Variants in COL5A1 observed in about 807,000 individuals in gnomAD.
COL5A1 encodes collagen type V alpha 1 chain, also known as collagen alpha-1(V) chain.
A neutral mutation model predicts 263.7 loss-of-function variants in COL5A1; 16 were observed. That is an observed-to-expected ratio of 0.06 (90% CI 0.04 to 0.09). COL5A1 has a LOEUF of 0.09. Ranked by LOEUF, COL5A1 falls within the 10% of genes least tolerant of loss-of-function variation. The pLI, the probability that COL5A1 is intolerant of heterozygous loss-of-function variation, is 1.00. For missense variants in COL5A1, 2,036 were observed against 2,540.5 expected, an observed-to-expected ratio of 0.80 and a Z score of 4.27; for synonymous variants, 1,012 against 1,004.5, an observed-to-expected ratio of 1.01 and a Z score of -0.14.
intron 54 of COL5A1, 28 bp downstream of exon 54, chr9:134,817,859 C>T (rs376433811): frequency 7.6e-6 from 12 of 1,577,624 alleles, no homozygotes; most frequent in African/African-American, 1.3e-5. Context: ...CAGGCTGTGA[C>T]CGCGTAGACC....
At chr9:134,769,855 G>A (rs185417231) in intron 25 of COL5A1, among the ~76,000 whole-genome samples, 97 of 152,220 alleles carry the variant, frequency 6.4e-4, no homozygotes, top group African/African-American at 2.3e-3. Context: ...TGGGTGTGAA[G>A]GGGGCTGCAC....
intron 36 of COL5A1, among the ~76,000 whole-genome samples, chr9:134,797,898 G>A (rs1837970151): frequency 6.6e-6 from 1 of 152,234 alleles, no homozygotes; most frequent in Non-Finnish European, 1.5e-5. Flanking sequence ...TTCCAAGTGA[G>A]GTCACAGGCA....
intron 32 of COL5A1, among the ~76,000 whole-genome samples, chr9:134,790,280 C>T (rs370372467): frequency 6.6e-6 from 1 of 152,182 alleles, no homozygotes; most frequent in African/African-American, 2.4e-5. Context: ...ATCTCCACCC[C>T]TCTCTGTCTC....
At chr9:134,730,141 T>A in intron 6 of COL5A1, 95 bp from the exon 7 acceptor site, 1 of 1,556,278 alleles carries the variant, frequency 6.4e-7, no homozygotes, top group East Asian at 2.2e-5. Flanking sequence ...GCGTTGCCAC[T>A]GAGATGCCTG....
Position 134,700,695 on chromosome 9 carries a change from G to A in COL5A1, c.492-476G>A, listed in dbSNP as rs35435691. On this transcript the variant is annotated intron_variant, in intron 3 of 65. Transcript: ENST00000371817. This position sits in a 1 kb window ranked among gnomAD's most constrained non-coding sequence, Gnocchi z 4.0. ...AGATCCACTCCTTCCACCATTTCCC[G>A]TCCACACCCGGTCTTCTCTGGCTGC... Among the ~76,000 whole-genome samples, 10,633 of 152,182 alleles carry A rather than the reference G, an allele frequency of 0.07. 383 individuals are homozygous for A. The highest frequency in any genetic ancestry group is 0.12 in the South Asian group (589 of 4,816).
intron 1 of COL5A1, among the ~76,000 whole-genome samples, chr9:134,655,007 TGTGTAGAGCTG>T (rs1831901011): frequency 2.3e-5 from 1 of 42,846 alleles, no homozygotes. Flanking sequence ...GGGCTGGGGG[TGTGTAGAGCTG>T]GTGTGTGTAG....
intron 4 of COL5A1, among the ~76,000 whole-genome samples, chr9:134,724,899 G>A (rs73664109): frequency 3.9e-5 from 6 of 152,108 alleles, no homozygotes; most frequent in Middle Eastern, 6.8e-3. Context: ...AACCAGGCTC[G>A]GGTGAACCAG....
chr9:134,763,103 T>C (rs1024769585), intron 19 of COL5A1, among the ~76,000 whole-genome samples: 1 of 152,004 alleles, frequency 6.6e-6, no homozygotes, highest in Non-Finnish European at 1.5e-5. Context: ...TGTCCATGTG[T>C]GTGTAGGCAT....
chr9:134,833,245 T>A (rs540806704), intron 64 of COL5A1, among the ~76,000 whole-genome samples: 9 of 152,316 alleles, frequency 5.9e-5, no homozygotes, highest in Non-Finnish European at 1.2e-4. Context: ...GTCAGGTTTT[T>A]CAGAAACCTT....
chr9:134,691,902 A>AT lies in COL5A1; in HGVS notation c.277+823_277+824insT, dbSNP rs541799967. The AT allele has an allele frequency of 7.4e-4, 112 of 152,082 alleles. 1 individual carries two copies. The highest frequency in any genetic ancestry group is 2.7e-3 in the African/African-American group (112 of 41,444). The allele number at this position is 152,082 out of a possible 1,614,324, so 9.4% of individuals were successfully genotyped here. On this transcript the variant is annotated intron_variant, in intron 2 of 65. Coordinates refer to ENST00000371817, the MANE Select transcript of COL5A1 (RefSeq NM_000093.5). Reference sequence around the variant, plus strand: ...CATCTTTTTGGTGGACCTGGAGGTGACCCCGGCATTGAACCCACGATCAGG... The same window carrying AT: ...CATCTTTTTGGTGGACCTGGAGGTGATCCCCGGCATTGAACCCACGATCAGG...
chr9:134,822,257 A>G, intron 59 of COL5A1, 107 bp downstream of exon 59: 1 of 995,600 alleles, frequency 1.0e-6, no homozygotes, highest in East Asian at 2.4e-5. Flanking sequence ...GTCACACGAG[A>G]AGCTGGAATT....
chr9:134,658,890 A>C (rs891874644), intron 1 of COL5A1, among the ~76,000 whole-genome samples: 1 of 152,232 alleles, frequency 6.6e-6, no homozygotes, highest in African/African-American at 2.4e-5. Flanking sequence ...CACATGAGAC[A>C]TACGAGGGAG....
chr9:134,827,995 A>G (rs958644356), intron 63 of COL5A1, among the ~76,000 whole-genome samples: 9 of 152,170 alleles, frequency 5.9e-5, no homozygotes, highest in African/African-American at 2.2e-4. Context: ...GCACAAGGCC[A>G]GCTCAAGAAG....
chr9:134,715,977 CTGGTGGTGGTGGTGG>C (rs58511351), intron 4 of COL5A1, among the ~76,000 whole-genome samples: 4 of 149,566 alleles, frequency 2.7e-5, no homozygotes, highest in South Asian at 2.1e-4. Flanking sequence ...GATGGTGATG[CTGGTGGTGGTGGTGG>C]TGGTGGTGGT....
chr9:134,687,043 A>G (rs1833102690), intron 1 of COL5A1, among the ~76,000 whole-genome samples: 1 of 152,152 alleles, frequency 6.6e-6, no homozygotes, highest in Non-Finnish European at 1.5e-5. Context: ...GGGTTGCACC[A>G]CCATAGCGAG....
At chr9:134,708,721 G>A (rs777865964) in intron 4 of COL5A1, 1 of 508,496 alleles carries the variant, frequency 2.0e-6, no homozygotes. Flanking sequence ...CAAGGACATT[G>A]CACTCTGCAT....
chr9:134,782,932 T>C (rs1015397743), intron 29 of COL5A1, among the ~76,000 whole-genome samples: 1 of 152,186 alleles, frequency 6.6e-6, no homozygotes, highest in African/African-American at 2.4e-5. Flanking sequence ...AGTTTGCCCC[T>C]TGGGGACTGG....
chr9:134,778,023 T>C (rs1217585153), intron 27 of COL5A1, among the ~76,000 whole-genome samples: 1 of 152,186 alleles, frequency 6.6e-6, no homozygotes, highest in African/African-American at 2.4e-5. Context: ...AAAACTGCCC[T>C]AAGAAAAGAA....
intron 16 of COL5A1, 96 bp from the exon 17 acceptor site, chr9:134,756,669 T>C (rs1406994294): frequency 1.5e-6 from 2 of 1,349,704 alleles, no homozygotes; most frequent in African/African-American, 2.9e-5. Context: ...GCGGCTCTGG[T>C]GGAACGCTCA....
Sources: allele counts gnomAD v4.1 joint callset (sites outside exome capture counted in the v4.1 genomes callset), GRCh38; gene constraint gnomAD v4.1.1; non-coding constraint Gnocchi (gnomAD v3.1); transcripts MANE v1.5; gene names NCBI Gene and HGNC (gene_info 2026-07-23, HGNC 2026-07-21).